Variants in RXFP2 observed in about 807,000 individuals in gnomAD.
RXFP2 encodes the protein relaxin receptor 2.
RXFP2 carries 68 observed loss-of-function variants against 88.6 expected under a neutral mutation model. That is an observed-to-expected ratio of 0.77 (90% CI 0.63 to 0.94). The LOEUF (loss-of-function observed/expected upper bound fraction) is 0.94. Among genes scored for constraint, RXFP2 ranks in the 40% least tolerant of loss-of-function variants. RXFP2 has a pLI of 0.00. For missense variants in RXFP2, 791 were observed against 893.9 expected (o/e 0.88, Z 1.47); for synonymous variants, 329 against 306.8 (o/e 1.07, Z -0.76).
intron 1 of RXFP2, among the ~76,000 whole-genome samples, chr13:31,747,369 A>G (rs930914018): frequency 6.6e-6 from 1 of 152,218 alleles, no homozygotes; most frequent in African/African-American, 2.4e-5. Context: ...TTTTCACTTA[A>G]AAAAACTGAA....
chr13:31,746,353 T>C (rs926274353), intron 1 of RXFP2, among the ~76,000 whole-genome samples: 1 of 152,232 alleles, frequency 6.6e-6, no homozygotes, highest in African/African-American at 2.4e-5. Flanking sequence ...GACACATTAA[T>C]TCTACTTGAA....
In RXFP2 at chr13:31,786,624, C is replaced by A. The variant is rs565620866; in HGVS notation, c.1060C>A (p.Gln354Lys). 6.6e-4 allele frequency: 1,039 copies of A among 1,573,458 alleles called. 13 individuals are homozygous for A. In the South Asian group the frequency reaches 0.011, roughly 16 times the overall value. ...LHKNQFESLK[Q>K]LQSLDLERIE... The stretch of plus-strand genomic sequence containing the variant: ...CAAGAACCAGTTTGAAAGTCTTAAA[C>A]AACTTCAGTCTCTGTAAGTGAAATA... Residue 354 changes from glutamine (Q) to lysine (K), a missense_variant, in exon 13 of 18, where the codon CAA (glutamine) becomes AAA (lysine). Coordinates refer to ENST00000298386, the MANE Select transcript of RXFP2 (RefSeq NM_130806.5).
chr13:31,753,968 T>A (rs1306492101), intron 1 of RXFP2, among the ~76,000 whole-genome samples: 1 of 152,140 alleles, frequency 6.6e-6, no homozygotes, highest in African/African-American at 2.4e-5. Flanking sequence ...ACATAAAATT[T>A]GTGCTTTGAA....
rs386468940 is a variant in RXFP2, at chr13:31,758,552, A to G, written c.241+148A>G. 9.5e-4 allele frequency: 839 copies of G among 882,494 alleles called. 5 individuals are homozygous for G. The highest frequency in any genetic ancestry group is 2.5e-3 in the Middle Eastern group (7 of 2,820). The allele number at this position is 882,494 out of a possible 1,614,324, so 54.7% of individuals were successfully genotyped here. A position where few individuals can be genotyped will look rare whatever the true frequency, so the allele number is the denominator to read the frequency against. On this transcript the variant is annotated intron_variant, in intron 2 of 17. Coordinates refer to ENST00000298386, the MANE Select transcript of RXFP2 (RefSeq NM_130806.5). ...TTTGAAACACAAATAATGACTCCCC[A>G]ATGTATTTGTGATAACGACCTGAAT... is the stretch of plus-strand genomic sequence containing the variant.
intron 1 of RXFP2, among the ~76,000 whole-genome samples, chr13:31,740,933 T>G (rs978646498): frequency 2.0e-5 from 3 of 152,048 alleles, no homozygotes; most frequent in African/African-American, 4.8e-5. Context: ...GAATATTCAA[T>G]TTTATACAAT....
At position 31,802,999 on chromosome 13, in the gene RXFP2, G is replaced by A. The variant is rs1874428783; in HGVS notation, c.*594G>A. On this transcript the variant is annotated 3_prime_UTR_variant, in exon 18 of 18. Transcript: ENST00000298386. ...TAACCTATGACCAGAGAGTCACACT[G>A]ATGAAGCCTCATACCATTTGCCTTT... is the stretch of plus-strand genomic sequence containing the variant. 1 of 153,578 alleles carries A rather than the reference G, an allele frequency of 6.5e-6. No homozygotes were observed. Among genetic ancestry groups the A allele is most frequent in the African/African-American group, 2.4e-5 (1 of 41,448 alleles). 9.5% of individuals were successfully genotyped at this position (153,578 alleles called of 1,614,324 possible). A position where few individuals can be genotyped will look rare whatever the true frequency, so the allele number is the denominator to read the frequency against.
intron 14 of RXFP2, among the ~76,000 whole-genome samples, chr13:31,791,250 G>A (rs1324444593): frequency 6.6e-6 from 1 of 152,122 alleles, no homozygotes; most frequent in Non-Finnish European, 1.5e-5. Flanking sequence ...AGAAATCTGT[G>A]TTTAAGGCAG....
intron 8 of RXFP2, among the ~76,000 whole-genome samples, chr13:31,778,160 T>C (rs1296483260): frequency 6.6e-6 from 1 of 152,182 alleles, no homozygotes; most frequent in South Asian, 2.1e-4. Flanking sequence ...AGAAGAAACT[T>C]TGGATGTATG....
At chr13:31,790,530 G>A (rs904355522) in intron 14 of RXFP2, among the ~76,000 whole-genome samples, 3 of 152,326 alleles carry the variant, frequency 2.0e-5, no homozygotes, top group African/African-American at 7.2e-5. Flanking sequence ...TCCACTTGCT[G>A]ATCCAAGAAG....
intron 14 of RXFP2, among the ~76,000 whole-genome samples, chr13:31,790,278 C>CCA (rs1027769270): frequency 2.6e-5 from 4 of 152,152 alleles, no homozygotes; most frequent in Non-Finnish European, 5.9e-5. Context: ...GGGCCCTGAA[C>CCA]CACTGAGAGA....
rs759148696 is a variant in RXFP2, at chr13:31,798,104, T to C, written c.2005+685T>C. On this transcript the variant is annotated intron_variant, in intron 17 of 17. Coordinates refer to ENST00000298386, the MANE Select transcript of RXFP2 (RefSeq NM_130806.5). ...CTGTTCCAGCCGATAGCAGATCTACTTGGGAGTTGATCCAAGACAGTAATT... is the reference window on the plus strand; with the variant it reads ...CTGTTCCAGCCGATAGCAGATCTACCTGGGAGTTGATCCAAGACAGTAATT... Among the ~76,000 whole-genome samples the C allele has an allele frequency of 8.5e-5, 13 of 152,352 alleles. No individual in the cohort carries two copies. The South Asian group carries it at 2.7e-3, about 32-fold the overall frequency.
intron 9 of RXFP2, among the ~76,000 whole-genome samples, chr13:31,779,279 C>A (rs1466994588): frequency 6.6e-6 from 1 of 152,014 alleles, no homozygotes; most frequent in Admixed American, 6.6e-5. Context: ...GCATGCACCA[C>A]CAGGCCTGGC....
chr13:31,750,182 A>C (rs1452957835), intron 1 of RXFP2, among the ~76,000 whole-genome samples: 9 of 152,090 alleles, frequency 5.9e-5, no homozygotes, highest in Admixed American at 5.9e-4. Flanking sequence ...TGCATTGCCC[A>C]TTTCCGTTTT....
At chr13:31,785,622 C>T (rs1319673191) in intron 11 of RXFP2, among the ~76,000 whole-genome samples, 1 of 151,730 alleles carries the variant, frequency 6.6e-6, no homozygotes, top group Non-Finnish European at 1.5e-5. Context: ...TTATTTGTAA[C>T]TCCCACATAA....
rs1303677604 is a variant in RXFP2, at chr13:31,797,349, C to T, written c.1935C>T (p.Phe645=). 3.7e-6 allele frequency: 6 copies of T among 1,614,056 alleles called. No homozygotes were observed. In the East Asian group the frequency reaches 1.3e-4, roughly 36 times the overall value. ...CAAATCGTTTCTTTTTTATAGTGTT[C>T]TCTGATGCCATCTGCTGGATTCCTG... ...AVANRFFFIV[F]SDAICWIPVF... Residue 645 remains phenylalanine, a synonymous_variant, in exon 17 of 18, where the codon TTC becomes TTT. Coordinates refer to ENST00000298386, the MANE Select transcript of RXFP2 (RefSeq NM_130806.5).
At chr13:31,764,207 C>T (rs1872436540) in intron 3 of RXFP2, among the ~76,000 whole-genome samples, 2 of 151,608 alleles carry the variant, frequency 1.3e-5, no homozygotes, top group Non-Finnish European at 2.9e-5. Context: ...CAAAGCCTCG[C>T]TCTCTCTCCT....
chr13:31,800,424 T>G (rs1326287603), intron 17 of RXFP2, among the ~76,000 whole-genome samples: 1 of 152,096 alleles, frequency 6.6e-6, no homozygotes. Context: ...TATAAAAAAT[T>G]AGCCGGGCAT....
chr13:31,740,051 G>A (rs556811814), intron 1 of RXFP2, among the ~76,000 whole-genome samples: 1 of 152,168 alleles, frequency 6.6e-6, no homozygotes, highest in East Asian at 1.9e-4. Context: ...TGTGTTTTGT[G>A]GAATTTCAAC....
rs1431073024 is a variant in RXFP2 at position 31,803,342 on chromosome 13, A to T, written c.*937A>T. 1 of 152,206 alleles carries T rather than the reference A, an allele frequency of 6.6e-6. No homozygotes were observed. The highest frequency in any genetic ancestry group is 2.4e-5 in the African/African-American group (1 of 41,446). 9.4% of individuals were successfully genotyped at this position (152,206 alleles called of 1,614,324 possible). A position where few individuals can be genotyped will look rare whatever the true frequency, so the allele number is the denominator to read the frequency against. On this transcript the variant is annotated 3_prime_UTR_variant, in exon 18 of 18. Coordinates refer to ENST00000298386, the MANE Select transcript of RXFP2 (RefSeq NM_130806.5). ...GTTTTTTGAAAACGAAACTGAAAAA[A>T]ATTATATGTGAAAATGAGAACTGGG...
Sources: gnomAD v4.1 joint callset for allele counts (sites outside exome capture counted in the v4.1 genomes callset) on GRCh38, gnomAD v4.1.1 for gene constraint, MANE v1.5 for transcripts, NCBI Gene and HGNC (gene_info 2026-07-23, HGNC 2026-07-21) for gene names.